PI4K2B: variants seen among roughly 807,000 people sequenced by gnomAD.
PI4K2B encodes the protein phosphatidylinositol 4-kinase type 2-beta.
A neutral mutation model predicts 56.6 loss-of-function variants in PI4K2B; 46 were observed. The ratio of observed to expected loss-of-function variants is 0.81; its 90% CI spans 0.64 to 1.04. The LOEUF is 1.04. PI4K2B is among the 50% of genes least tolerant of loss of function. The probability of loss-of-function intolerance (pLI) is 0.00; values close to 1 mark genes in which losing one functional copy is unlikely to be tolerated. For missense variants in PI4K2B, 556 were observed against 607.7 expected (o/e 0.91, Z 0.89); for synonymous variants, 211 against 223.8 (o/e 0.94, Z 0.51).
At chr4:25,234,837 C>G (rs2109078420) in intron 1 of PI4K2B, among the ~76,000 whole-genome samples, 1 of 152,310 alleles carries the variant, frequency 6.6e-6, no homozygotes, top group East Asian at 1.9e-4. Flanking sequence ...AAGTGGATGA[C>G]AGGAGAGAGA....
At chr4:25,268,694 G>A in intron 8 of PI4K2B, 118 bp downstream of exon 8, 1 of 648,698 alleles carries the variant, frequency 1.5e-6, no homozygotes, top group South Asian at 2.2e-5. Context: ...CATAAAACCT[G>A]ACAGGACAGA....
At chr4:25,243,550 G>T (rs1032490417) in intron 1 of PI4K2B, among the ~76,000 whole-genome samples, 1 of 152,180 alleles carries the variant, frequency 6.6e-6, no homozygotes, top group Admixed American at 6.5e-5. Context: ...CACCGAGGTT[G>T]CCAGGTTTAA....
intron 1 of PI4K2B, among the ~76,000 whole-genome samples, chr4:25,238,262 CT>C (rs1299674684): frequency 6.6e-6 from 1 of 152,186 alleles, no homozygotes; most frequent in Non-Finnish European, 1.5e-5. Flanking sequence ...TTAAAATAAA[CT>C]GGTTATTTGA....
At chr4:25,268,892 GCCTA>G (rs1289483551) in intron 8 of PI4K2B, among the ~76,000 whole-genome samples, 3 of 152,152 alleles carry the variant, frequency 2.0e-5, no homozygotes, top group African/African-American at 7.2e-5. Context: ...CTCTTAAAAA[GCCTA>G]AATTCATTGG....
At chr4:25,269,345 A>G in intron 9 of PI4K2B, 142 bp downstream of exon 9, 1 of 571,174 alleles carries the variant, frequency 1.8e-6, no homozygotes, top group South Asian at 2.4e-5. Context: ...ATTAGAAATG[A>G]AGTTGATTCG....
rs149385911 is a variant in PI4K2B, at chr4:25,268,474, A to T, written c.1110A>T (p.Ala370=). Residue 370 remains alanine (A), a synonymous_variant, in exon 8 of 10, where the codon GCA becomes GCT. Coordinates refer to ENST00000264864, the MANE Select transcript of PI4K2B (RefSeq NM_018323.4). ...YPFHWAWLPQ[A]KVPFSEEIRN... is the part of the protein sequence containing the mutation. Reference sequence around the variant, plus strand: ...TTCACTGGGCTTGGCTTCCTCAAGCAAAAGTTCCCTTTTCTGAAGAAATAA... The same window carrying T: ...TTCACTGGGCTTGGCTTCCTCAAGCTAAAGTTCCCTTTTCTGAAGAAATAA... 8.9e-4 allele frequency: 1,422 copies of T among 1,605,076 alleles called. 2 individuals carry two copies. Among genetic ancestry groups the T allele is most frequent in the Non-Finnish European group, 1.1e-3 (1,247 of 1,175,582 alleles).
Position 25,278,757 on chromosome 4 carries a change from C to T in PI4K2B, c.*1570C>T, listed in dbSNP as rs1054622959. ...GATGTTTTCTAAGAGAAAGGAAATA[C>T]GTTGCAGTGATGTGGGTACTGCTTT... On this transcript the variant is annotated 3_prime_UTR_variant, in exon 10 of 10. Transcript: ENST00000264864. The T allele has an allele frequency of 6.6e-6, 1 of 152,592 alleles. No homozygotes were observed. The highest frequency in any genetic ancestry group is 6.5e-5 in the Admixed American group (1 of 15,278). The allele number at this position is 152,592 out of a possible 1,614,324, so 9.5% of individuals were successfully genotyped here.
chr4:25,242,070 A>G (rs1355499465), intron 1 of PI4K2B, among the ~76,000 whole-genome samples: 1 of 152,224 alleles, frequency 6.6e-6, no homozygotes, highest in Non-Finnish European at 1.5e-5. Flanking sequence ...TCTTAGGGTG[A>G]GGATAAGCCA....
chr4:25,260,631 TATATATATATACAC>T (rs764193794), intron 6 of PI4K2B, 40 bp downstream of exon 6: 4,179 of 212,618 alleles, frequency 0.02, 61 homozygotes, highest in East Asian at 0.12. Context: ...TATATATATA[TATATATATATACAC>T]ACACACACAC....
intron 1 of PI4K2B, among the ~76,000 whole-genome samples, chr4:25,247,304 G>A (rs1175001449): frequency 2.6e-5 from 4 of 152,246 alleles, no homozygotes; most frequent in South Asian, 2.1e-4. Context: ...CGTGAGTGGC[G>A]GTGTGTTGGA....
In PI4K2B at chr4:25,255,092, T is replaced by A. The variant is rs1716209203; in HGVS notation, c.451T>A (p.Ser151Thr). The change falls in exon 3 of 10, where the codon TCA becomes ACA. Residue 151 changes from serine to threonine, a missense_variant. Coordinates refer to ENST00000264864, the MANE Select transcript of PI4K2B (RefSeq NM_018323.4). ...RKIIGVFKPK[S>T]EEPYGQLNPK... is the part of the protein sequence containing the mutation. ...AATTATTGGTGTGTTTAAACCCAAA[T>A]CAGAAGAGCCTTATGGTCAACTCAA... 6.2e-7 allele frequency: 1 copy of A among 1,613,702 alleles called. No homozygotes were observed. The highest frequency in any genetic ancestry group is 1.7e-5 in the Admixed American group (1 of 59,994).
rs183391698 is a variant in PI4K2B, at chr4:25,260,954, C to T, written c.978+363C>T. 7.7e-3 allele frequency among the ~76,000 whole-genome samples: 1,168 copies of T among 150,892 alleles called. 18 individuals are homozygous for T. Among genetic ancestry groups the T allele is most frequent in the South Asian group, 0.055 (263 of 4,770 alleles). ...AACTTCTGGCCTCAAGCAATCCATC[C>T]GCCTTGGCCTCCCAAAGTGCTGGGA... On this transcript the variant is annotated intron_variant, in intron 6 of 9. Coordinates refer to ENST00000264864, the MANE Select transcript of PI4K2B (RefSeq NM_018323.4).
intron 9 of PI4K2B, among the ~76,000 whole-genome samples, chr4:25,271,978 C>T (rs1716914419): frequency 6.6e-6 from 1 of 151,922 alleles, no homozygotes; most frequent in Non-Finnish European, 1.5e-5. Context: ...CCCATCTCTA[C>T]AAAAAAATAC....
intron 7 of PI4K2B, 97 bp from the exon 8 acceptor site, chr4:25,268,346 G>C: frequency 1.0e-6 from 1 of 958,340 alleles, no homozygotes; most frequent in Non-Finnish European, 1.6e-6. Flanking sequence ...GTCCTTTTTT[G>C]GGGAGAACCT....
At chr4:25,248,434 G>A (rs969565405) in intron 1 of PI4K2B, among the ~76,000 whole-genome samples, 6 of 152,044 alleles carry the variant, frequency 3.9e-5, no homozygotes, top group Non-Finnish European at 8.8e-5. Context: ...GTTTCTTGGA[G>A]CACCCAAAAT....
chr4:25,240,949 T>A (rs1715491956), intron 1 of PI4K2B, among the ~76,000 whole-genome samples: 1 of 152,172 alleles, frequency 6.6e-6, no homozygotes, highest in Non-Finnish European at 1.5e-5. Flanking sequence ...GTCTCTTTCC[T>A]TCCTACTGGT....
At chr4:25,258,079 C>A (rs952622563) in intron 4 of PI4K2B, among the ~76,000 whole-genome samples, 5 of 152,042 alleles carry the variant, frequency 3.3e-5, no homozygotes, top group Non-Finnish European at 7.4e-5. Flanking sequence ...ATCTTAGTAA[C>A]AAAAATGCCT....
intron 4 of PI4K2B, among the ~76,000 whole-genome samples, chr4:25,257,614 A>G (rs1716307006): frequency 6.6e-6 from 1 of 152,228 alleles, no homozygotes; most frequent in Non-Finnish European, 1.5e-5. Context: ...AAGGCATTCT[A>G]GAAAAAGCTT....
intron 1 of PI4K2B, 61 bp from the exon 2 acceptor site, chr4:25,252,260 A>C: frequency 8.2e-7 from 1 of 1,226,560 alleles, no homozygotes; most frequent in East Asian, 2.3e-5. Context: ...CCGGCAAGCT[A>C]ATCGATATTA....
Sources: gnomAD v4.1 joint callset for allele counts (sites outside exome capture counted in the v4.1 genomes callset) on GRCh38, gnomAD v4.1.1 for gene constraint, MANE v1.5 for transcripts, NCBI Gene and HGNC (gene_info 2026-07-23, HGNC 2026-07-21) for gene names.